ZNF385B: variants seen among roughly 807,000 people sequenced by gnomAD.
ZNF385B encodes zinc finger protein 385B.
In ZNF385B, 23 loss-of-function variants were observed where a neutral mutation model predicts 39.2. The observed-to-expected ratio is 0.59, with a 90% CI of 0.42 to 0.83. The LOEUF is 0.83. ZNF385B is among the 40% of genes least tolerant of loss of function. The pLI is 0.00. For synonymous variants in ZNF385B, 205 were observed against 222.6 expected, an observed-to-expected ratio of 0.92 and a Z score of 0.70; for missense variants, 552 against 598.9, an observed-to-expected ratio of 0.92 and a Z score of 0.82.
At chr2:179,609,902 A>C (rs937959176) in intron 3 of ZNF385B, among the ~76,000 whole-genome samples, 2 of 152,146 alleles carry the variant, frequency 1.3e-5, no homozygotes, top group Non-Finnish European at 2.9e-5. Flanking sequence ...TCTTTTGCCC[A>C]TTTTTAATCA....
chr2:179,738,504 C>T (rs6433808), intron 3 of ZNF385B, among the ~76,000 whole-genome samples: 13,767 of 152,178 alleles, frequency 0.09, 708 homozygotes, highest in Non-Finnish European at 0.11. Flanking sequence ...AATCATATCA[C>T]GCTTTTGACT....
At chr2:179,761,584 AT>A (rs375660435) in intron 3 of ZNF385B, among the ~76,000 whole-genome samples, 13,338 of 145,594 alleles carry the variant, frequency 0.092, 621 homozygotes, top group Non-Finnish European at 0.12. Flanking sequence ...TATGCAATTG[AT>A]TTTTTTTTTT....
chr2:179,482,235 C>T (rs2054081804), intron 6 of ZNF385B, among the ~76,000 whole-genome samples: 1 of 152,102 alleles, frequency 6.6e-6, no homozygotes, highest in Admixed American at 6.6e-5. Context: ...CTCCAAAAGC[C>T]ACGGGAAAGC....
At chr2:179,702,117 C>T (rs557382782) in intron 3 of ZNF385B, among the ~76,000 whole-genome samples, 17 of 152,004 alleles carry the variant, frequency 1.1e-4, no homozygotes, top group Admixed American at 2.0e-4. Flanking sequence ...CAAACCTGCA[C>T]GTTGTGCACA....
intron 3 of ZNF385B, among the ~76,000 whole-genome samples, chr2:179,689,002 T>G (rs949002389): frequency 1.1e-4 from 16 of 152,210 alleles, no homozygotes; most frequent in Non-Finnish European, 1.8e-4. Flanking sequence ...CCTGGGCTTT[T>G]GGTGATGAGC....
chr2:179,821,371 C>T (rs888430956), intron 1 of ZNF385B, among the ~76,000 whole-genome samples: 1 of 152,138 alleles, frequency 6.6e-6, no homozygotes, highest in African/African-American at 2.4e-5. Context: ...GTTGGATTCC[C>T]TCCAACAAAG....
intron 6 of ZNF385B, among the ~76,000 whole-genome samples, chr2:179,451,544 A>G (rs1016611776): frequency 2.6e-5 from 4 of 152,130 alleles, no homozygotes; most frequent in Non-Finnish European, 5.9e-5. Context: ...ATGGTCTAAA[A>G]TTCAGATAAA....
At chr2:179,726,398 A>G (rs1701021210) in intron 3 of ZNF385B, among the ~76,000 whole-genome samples, 1 of 152,026 alleles carries the variant, frequency 6.6e-6, no homozygotes. Context: ...ATAAGTTTGG[A>G]ATCACATGTC....
intron 3 of ZNF385B, among the ~76,000 whole-genome samples, chr2:179,713,710 T>C (rs1700148038): frequency 6.6e-6 from 1 of 152,224 alleles, no homozygotes; most frequent in South Asian, 2.1e-4. Flanking sequence ...AGGTTCTTAA[T>C]AAGTATTAAT....
At chr2:179,760,223 C>CGCGCGCGTGT (rs11282329) in intron 3 of ZNF385B, among the ~76,000 whole-genome samples, 126 of 144,548 alleles carry the variant, frequency 8.7e-4, no homozygotes, top group African/African-American at 2.5e-3. Flanking sequence ...TTCCTGTGTG[C>CGCGCGCGTGT]GTGTGTGTGT....
intron 1 of ZNF385B, among the ~76,000 whole-genome samples, chr2:179,773,391 C>G (rs1704126093): frequency 1.3e-5 from 2 of 152,174 alleles, no homozygotes; most frequent in Admixed American, 6.5e-5. Context: ...GCTTGCAACT[C>G]CTTTCCACAG....
chr2:179,449,789 G>A (rs1429883363), intron 6 of ZNF385B, among the ~76,000 whole-genome samples: 25 of 152,040 alleles, frequency 1.6e-4, no homozygotes, highest in South Asian at 6.2e-4. Context: ...AGCCCGCATC[G>A]CCAAGTCAAT....
chr2:179,756,737 C>G (rs531294272), intron 3 of ZNF385B, among the ~76,000 whole-genome samples: 58 of 152,192 alleles, frequency 3.8e-4, no homozygotes, highest in Non-Finnish European at 6.2e-4. Context: ...TCTTCAATGA[C>G]TGATACCCTT....
At chr2:179,777,294 A>G (rs1332482799) in intron 1 of ZNF385B, among the ~76,000 whole-genome samples, 3 of 152,168 alleles carry the variant, frequency 2.0e-5, no homozygotes, top group African/African-American at 7.2e-5. Context: ...TATGACATTG[A>G]GACTCTATCA....
intron 6 of ZNF385B, among the ~76,000 whole-genome samples, chr2:179,459,671 C>T (rs931231656): frequency 6.7e-6 from 1 of 149,892 alleles, no homozygotes; most frequent in Admixed American, 6.7e-5. Flanking sequence ...AAATGTAAAT[C>T]TTAATTTATA....
chr2:179,757,375 T>C (rs1014435469), intron 3 of ZNF385B, among the ~76,000 whole-genome samples: 2 of 152,178 alleles, frequency 1.3e-5, no homozygotes, highest in African/African-American at 4.8e-5. Flanking sequence ...CTGCCCCTAC[T>C]GGGGGGTGCC....
chr2:179,585,629 A>G (rs1687001885), intron 3 of ZNF385B, among the ~76,000 whole-genome samples: 1 of 152,212 alleles, frequency 6.6e-6, no homozygotes, highest in African/African-American at 2.4e-5. Flanking sequence ...CCTTGAATTG[A>G]GAGGTTTCAG....
chr2:179,517,065 T>A (rs936545206), intron 5 of ZNF385B, among the ~76,000 whole-genome samples: 1 of 151,894 alleles, frequency 6.6e-6, no homozygotes, highest in Non-Finnish European at 1.5e-5. Flanking sequence ...TTGGTGTGAG[T>A]CTATTTCTGG....
At chr2:179,514,676 GA>G (rs1395889297) in intron 5 of ZNF385B, among the ~76,000 whole-genome samples, 2 of 151,972 alleles carry the variant, frequency 1.3e-5, no homozygotes, top group African/African-American at 4.8e-5. Context: ...GCAAGCCCTG[GA>G]AAGATATAAA....
Sources: allele counts gnomAD v4.1 joint callset (sites outside exome capture counted in the v4.1 genomes callset), GRCh38; gene constraint gnomAD v4.1.1; transcripts MANE v1.5; gene names NCBI Gene and HGNC (gene_info 2026-07-23, HGNC 2026-07-21).